Variants in LIN9 observed in about 807,000 individuals in gnomAD.
The protein encoded by LIN9 is lin-9 DREAM MuvB core complex component.
LIN9 carries 18 observed loss-of-function variants against 78.0 expected under a neutral mutation model. The observed-to-expected ratio is 0.23, with a 90% CI of 0.16 to 0.34. The LOEUF (loss-of-function observed/expected upper bound fraction) is 0.34, where lower values mean the gene tolerates loss of function less well. Among genes scored for constraint, LIN9 ranks in the 10% least tolerant of loss-of-function variants. LIN9 has a pLI of 1.00. For synonymous variants in LIN9, 192 were observed against 215.2 expected (o/e 0.89, Z 0.94); for missense variants, 451 against 644.1 (o/e 0.70, Z 3.25).
At chr1:226,262,736 T>C (rs1251343954) in intron 10 of LIN9, among the ~76,000 whole-genome samples, 4 of 152,140 alleles carry the variant, frequency 2.6e-5, no homozygotes, top group African/African-American at 9.7e-5. Context: ...CAGTTTCTTA[T>C]ATAACTAAGC....
At chr1:226,271,792 A>T (rs144031394) in intron 7 of LIN9, among the ~76,000 whole-genome samples, 11 of 152,312 alleles carry the variant, frequency 7.2e-5, no homozygotes, top group African/African-American at 2.6e-4. Flanking sequence ...TAATATACAT[A>T]CATAATATTA....
chr1:226,241,408 A>C (rs1374476588), intron 11 of LIN9, among the ~76,000 whole-genome samples: 1 of 152,226 alleles, frequency 6.6e-6, no homozygotes, highest in African/African-American at 2.4e-5. Context: ...AAAATCATTA[A>C]AAGCTCTATC....
chr1:226,298,687 G>A (rs879688017), intron 2 of LIN9, among the ~76,000 whole-genome samples: 5 of 151,912 alleles, frequency 3.3e-5, no homozygotes, highest in Non-Finnish European at 5.9e-5. Flanking sequence ...ATGGTGAAAC[G>A]CCACCTCTAC....
chr1:226,279,319 T>C (rs1372818441), intron 6 of LIN9, among the ~76,000 whole-genome samples: 1 of 146,394 alleles, frequency 6.8e-6, no homozygotes, highest in Non-Finnish European at 1.5e-5. Flanking sequence ...ATAAAAAAAT[T>C]AGCTAGGCAT....
rs2102908763 is a variant in LIN9 at position 226,265,773 on chromosome 1, G to T, written c.937-139C>A. ...GGCTCACTGCAATCTCTGACTCCTG[G>T]GTTCAAGCGATTCTCCTGCCTCAGC... On this transcript the variant is annotated intron_variant, in intron 9 of 14. Coordinates refer to ENST00000681046, the MANE Select transcript of LIN9 (RefSeq NM_001366245.2). The surrounding 1 kb of genome is among the most constrained non-coding windows in gnomAD (Gnocchi z 4.1). The T allele has an allele frequency of 2.0e-6, 1 of 508,090 alleles. No individual in the cohort carries two copies. The highest frequency in any genetic ancestry group is 5.7e-4 in the Middle Eastern group (1 of 1,766). 31.5% of individuals were successfully genotyped at this position (508,090 alleles called of 1,614,324 possible).
In LIN9 at chr1:226,232,430, G is replaced by T; in HGVS notation, c.*71C>A. 2 of 978,296 alleles carry T rather than the reference G, an allele frequency of 2.0e-6. No homozygotes were observed. The highest frequency in any genetic ancestry group is 3.1e-6 in the Non-Finnish European group (2 of 637,874). 60.6% of individuals were successfully genotyped at this position (978,296 alleles called of 1,614,324 possible). On this transcript the variant is annotated 3_prime_UTR_variant, in exon 15 of 15. Transcript: ENST00000681046. ...TCCAGCAGTTAGGTTATTTGGTGTT[G>T]GAAGCCTATATAAAGGAAAAGAACT...
rs535007848 is a variant in LIN9, at chr1:226,265,034, T to C, written c.1038+499A>G. On this transcript the variant is annotated intron_variant, in intron 10 of 14. Transcript: ENST00000681046. The surrounding 1 kb of genome is among the most constrained non-coding windows in gnomAD (Gnocchi z 4.1). ...CCAGCTATAAGGAAATTTTCCAATA[T>C]AATACTTCTACACTTAGTTCAGTTT... Among the ~76,000 whole-genome samples the C allele has an allele frequency of 7.2e-5, 11 of 152,208 alleles. No homozygotes were observed. Among genetic ancestry groups the C allele is most frequent in the Non-Finnish European group, 1.5e-4 (10 of 68,040 alleles).
At chr1:226,244,819 C>T (rs148136181) in intron 11 of LIN9, among the ~76,000 whole-genome samples, 3 of 152,264 alleles carry the variant, frequency 2.0e-5, no homozygotes, top group East Asian at 1.9e-4. Flanking sequence ...ATTTCTGGCC[C>T]GTCAGTATGG....
chr1:226,281,076 T>G (rs541539642), intron 6 of LIN9, among the ~76,000 whole-genome samples: 1 of 152,320 alleles, frequency 6.6e-6, no homozygotes, highest in African/African-American at 2.4e-5. Context: ...CAATGGAATC[T>G]TATTCAGCCA....
intron 10 of LIN9, among the ~76,000 whole-genome samples, chr1:226,257,653 C>CT (rs930012588): frequency 2.0e-5 from 3 of 148,896 alleles, no homozygotes; most frequent in African/African-American, 7.4e-5. Context: ...TTAAAGAAAG[C>CT]TAAAAGAAAA....
In LIN9 at chr1:226,290,534, G is replaced by T. The variant is rs182702879; in HGVS notation, c.265-2737C>A. Among the ~76,000 whole-genome samples, 1,258 of 151,932 alleles carry T rather than the reference G, an allele frequency of 8.3e-3. 10 individuals carry two copies. Among genetic ancestry groups the T allele is most frequent in the Middle Eastern group, 0.014 (4 of 294 alleles). On this transcript the variant is annotated intron_variant, in intron 4 of 14. Coordinates refer to ENST00000681046, the MANE Select transcript of LIN9 (RefSeq NM_001366245.2). The stretch of plus-strand genomic sequence containing the variant: ...TTTTTGTATTTTTTGTAGAGACGGG[G>T]TTTCACCGTGTTAGCCAGGGTGGTC...
At chr1:226,305,325 A>AG (rs1662839331) in intron 1 of LIN9, among the ~76,000 whole-genome samples, 1 of 149,302 alleles carries the variant, frequency 6.7e-6, no homozygotes, top group Admixed American at 6.7e-5. Flanking sequence ...GAAAAAAAAA[A>AG]AAAAAAAAAA....
chr1:226,277,972 C>G, intron 6 of LIN9, 40 bp from the exon 7 acceptor site: 1 of 1,487,610 alleles, frequency 6.7e-7, no homozygotes, highest in Non-Finnish European at 9.1e-7. Flanking sequence ...TGATAACTAC[C>G]CCATATAAAA....
intron 6 of LIN9, among the ~76,000 whole-genome samples, chr1:226,278,452 A>G (rs1352674147): frequency 6.6e-6 from 1 of 151,734 alleles, no homozygotes; most frequent in Non-Finnish European, 1.5e-5. Context: ...AACAAAAACA[A>G]AAAAACCTTA....
intron 10 of LIN9, among the ~76,000 whole-genome samples, chr1:226,256,852 C>T (rs776606254): frequency 6.6e-5 from 10 of 151,782 alleles, no homozygotes; most frequent in African/African-American, 9.7e-5. Context: ...CCACCGCACC[C>T]GGCCAATAAA....
chr1:226,251,771 C>G lies in LIN9; in HGVS notation c.1039-852G>C, dbSNP rs941258337. 9.2e-5 allele frequency among the ~76,000 whole-genome samples: 14 copies of G among 152,288 alleles called. 1 individual carries two copies. Among genetic ancestry groups the G allele is most frequent in the African/African-American group, 3.4e-4 (14 of 41,570 alleles). Reference sequence around the variant, plus strand: ...GGACTAAGGAGTCAATCTGAACAAGCTTTCACTGGTCCAAAATAGGGCAAT... The same window carrying G: ...GGACTAAGGAGTCAATCTGAACAAGGTTTCACTGGTCCAAAATAGGGCAAT... On this transcript the variant is annotated intron_variant, in intron 10 of 14. Coordinates refer to ENST00000681046, the MANE Select transcript of LIN9 (RefSeq NM_001366245.2).
chr1:226,236,028 C>T (rs2102827499), intron 12 of LIN9, among the ~76,000 whole-genome samples: 1 of 152,252 alleles, frequency 6.6e-6, no homozygotes, highest in Middle Eastern at 3.4e-3. Context: ...AAATAGAGAA[C>T]TTCCTCTCTT....
intron 10 of LIN9, among the ~76,000 whole-genome samples, chr1:226,264,423 A>G (rs1396725591): frequency 6.6e-6 from 1 of 152,144 alleles, no homozygotes. Context: ...AAATAAAAAA[A>G]TGTGATTGAG....
intron 2 of LIN9, among the ~76,000 whole-genome samples, chr1:226,300,770 C>T (rs183259990): frequency 3.5e-4 from 53 of 152,164 alleles, no homozygotes; most frequent in African/African-American, 1.2e-3. Flanking sequence ...GCAGGAGAAT[C>T]GCTTGAGCCT....
Sources: allele counts gnomAD v4.1 joint callset (sites outside exome capture counted in the v4.1 genomes callset), GRCh38; gene constraint gnomAD v4.1.1; non-coding constraint Gnocchi (gnomAD v3.1); transcripts MANE v1.5; gene names NCBI Gene and HGNC (gene_info 2026-07-23, HGNC 2026-07-21).